Variants in MUC12 observed in about 807,000 individuals in gnomAD.
MUC12 encodes mucin-12.
In MUC12, 172 loss-of-function variants were observed where a neutral mutation model predicts 230.8. That is an observed-to-expected ratio of 0.75 (90% CI 0.66 to 0.85). The LOEUF (loss-of-function observed/expected upper bound fraction) is 0.85, where lower values mean the gene tolerates loss of function less well. Ranked by LOEUF, MUC12 falls within the 40% of genes least tolerant of loss-of-function variation. MUC12 has a pLI of 0.00. For missense variants in MUC12, 3,506 were observed against 5,920.6 expected (o/e 0.59, Z 13.38); for synonymous variants, 1,259 against 2,401.9 (o/e 0.52, Z 13.91).
chr7:100,991,729 T>G lies in MUC12; in HGVS notation c.1166T>G (p.Phe389Cys). ...TSGHSEESAT[F>C]HGSTTHTKSS... Reference sequence around the variant, plus strand: ...GGCCATAGTGAAGAATCAGCAACTTTCCACGGCAGCACAACACACACAAAA... The same window carrying G: ...GGCCATAGTGAAGAATCAGCAACTTGCCACGGCAGCACAACACACACAAAA... The change falls in exon 2 of 12, where the codon TTC becomes TGC. Residue 389 changes from phenylalanine to cysteine, a missense_variant. Physicochemically the swap from Phe to Cys is radical, Grantham distance 205. Transcript: ENST00000536621. 1.3e-6 allele frequency: 2 copies of G among 1,537,796 alleles called. No homozygotes were observed. Among genetic ancestry groups the G allele is most frequent in the Non-Finnish European group, 1.7e-6 (2 of 1,147,070 alleles).
At chr7:101,012,168 ACT>A (rs1000937841) in intron 5 of MUC12, 126 bp from the exon 6 acceptor site, 8 of 968,902 alleles carry the variant, frequency 8.3e-6, no homozygotes, top group East Asian at 5.3e-5. Context: ...TGGAGGGAAG[ACT>A]CTGTATTCTT....
At chr7:101,012,220 C>A in intron 5 of MUC12, 76 bp from the exon 6 acceptor site, 3 of 1,483,782 alleles carry the variant, frequency 2.0e-6, no homozygotes, top group Admixed American at 2.1e-5. Context: ...TCTCCCATTA[C>A]CACTCTGGGT....
rs752057425 is a variant in MUC12, at chr7:100,995,665, C to A, written c.5102C>A (p.Ala1701Glu). The stretch of plus-strand genomic sequence containing the variant: ...CCAAGCTCAAAGGACACTATGCCTG[C>A]ACCTCCTACTACCACATCAGCCTTT... ...SWPSSKDTMP[A>E]PPTTTSAFVE... is the part of the protein sequence containing the mutation. Residue 1701 changes from alanine (A) to glutamate (E), a missense_variant, in exon 2 of 12, where the codon GCA becomes GAA. By Grantham distance (107) the Ala-to-Glu change is moderately radical. Coordinates refer to ENST00000536621, the MANE Select transcript of MUC12 (RefSeq NM_001164462.2). The A allele has an allele frequency of 1.3e-6, 2 of 1,537,092 alleles. No individual in the cohort carries two copies. Among genetic ancestry groups the A allele is most frequent in the Admixed American group, 2.0e-5 (1 of 50,948 alleles).
chr7:100,992,329 C>T lies in MUC12; in HGVS notation c.1766C>T (p.Thr589Ile). ...TFHSRPGSTE[T>I]TLLPDNTTAS... The stretch of plus-strand genomic sequence containing the variant: ...CACAGCCGCCCAGGCTCCACTGAAA[C>T]AACACTCTTACCTGACAACACCACA... Residue 589 changes from threonine to isoleucine, a missense_variant, in exon 2 of 12, where the codon ACA (threonine) becomes ATA (isoleucine). Thr to Ile is a moderately conservative substitution (Grantham distance 89). Coordinates refer to ENST00000536621, the MANE Select transcript of MUC12 (RefSeq NM_001164462.2). 1 of 1,536,790 alleles carries T rather than the reference C, an allele frequency of 6.5e-7. No individual in the cohort carries two copies. The highest frequency in any genetic ancestry group is 8.7e-7 in the Non-Finnish European group (1 of 1,146,114).
At chr7:101,010,998 G>A (rs1229589336) in intron 5 of MUC12, among the ~76,000 whole-genome samples, 2 of 152,180 alleles carry the variant, frequency 1.3e-5, no homozygotes, top group African/African-American at 4.8e-5. Flanking sequence ...CCAGTTGGAT[G>A]TCACTGGAAG....
chr7:101,015,429 C>G (rs1793900775), intron 9 of MUC12, 186 bp from the exon 10 acceptor site: 1 of 594,934 alleles, frequency 1.7e-6, no homozygotes, highest in Non-Finnish European at 3.0e-6. Flanking sequence ...GGAGGCCTGG[C>G]CAGTGCTTGC....
rs761071668 is a variant in MUC12, at chr7:101,004,559, G to C, written c.13996G>C (p.Ala4666Pro). 3.4e-5 allele frequency: 52 copies of C among 1,536,064 alleles called. No individual in the cohort carries two copies. In the African/African-American group the frequency reaches 6.5e-4, roughly 19 times the overall value. The change falls in exon 2 of 12, where the codon GCA (alanine) becomes CCA (proline). Residue 4666 changes from alanine (A) to proline (P), a missense_variant. By Grantham distance (27) the Ala-to-Pro change is conservative (BLOSUM62 -1). Coordinates refer to ENST00000536621, the MANE Select transcript of MUC12 (RefSeq NM_001164462.2). ...CTACCACAGCAGCCCGGGCTCAATT[G>C]CAACAACACACTTTCCTGAGAGCTC... ...TSYHSSPGSI[A>P]TTHFPESSTT...
At position 100,991,516 on chromosome 7, in the gene MUC12, C is replaced by A. The variant is rs746431477; in HGVS notation, c.953C>A (p.Ser318Tyr). 3 of 1,537,296 alleles carry A rather than the reference C, an allele frequency of 2.0e-6. No homozygotes were observed. In the South Asian group the frequency reaches 3.6e-5, roughly 18 times the overall value. The part of the protein sequence containing the change: ...SPSSTPTTHF[S>Y]ASSTTLGHSE... The stretch of plus-strand genomic sequence containing the variant: ...AGCTCAACTCCAACAACCCACTTTT[C>A]TGCCAGCTCCACAACCTTGGGCCAT... The change falls in exon 2 of 12, where the codon TCT (serine) becomes TAT (tyrosine). Residue 318 changes from serine to tyrosine, a missense_variant. Coordinates refer to ENST00000536621, the MANE Select transcript of MUC12 (RefSeq NM_001164462.2).
intron 9 of MUC12, 89 bp downstream of exon 9, chr7:101,014,163 T>G: frequency 7.3e-7 from 1 of 1,378,404 alleles, no homozygotes; most frequent in Non-Finnish European, 9.5e-7. Flanking sequence ...GCTCTGCTCC[T>G]TCCAGGCCAG....
At position 100,995,627 on chromosome 7, in the gene MUC12, C is replaced by G; in HGVS notation, c.5064C>G (p.Thr1688=). The change falls in exon 2 of 12, where the codon ACC becomes ACG. Residue 1688 remains threonine (T), a synonymous_variant. Coordinates refer to ENST00000536621, the MANE Select transcript of MUC12 (RefSeq NM_001164462.2). ...GSTTRQGEST[T]FQSWPSSKDT... is the part of the protein sequence containing the mutation. ...CAACACGTCAGGGAGAATCTACCACCTTCCAGAGCTGGCCAAGCTCAAAGG... is the reference window on the plus strand; with the variant it reads ...CAACACGTCAGGGAGAATCTACCACGTTCCAGAGCTGGCCAAGCTCAAAGG... 2 of 1,537,030 alleles carry G rather than the reference C, an allele frequency of 1.3e-6. No individual in the cohort carries two copies. Among genetic ancestry groups the G allele is most frequent in the Non-Finnish European group, 1.7e-6 (2 of 1,147,030 alleles).
chr7:100,995,462 T>A lies in MUC12; in HGVS notation c.4899T>A (p.Thr1633=). 2 of 1,526,586 alleles carry A rather than the reference T, an allele frequency of 1.3e-6. No individual in the cohort carries two copies. The highest frequency in any genetic ancestry group is 1.8e-6 in the Non-Finnish European group (2 of 1,140,994). The allele number at this position is 1,526,586 out of a possible 1,614,324, so 94.6% of individuals were successfully genotyped here. ...CATCATCCCTTGGTCCAGAATCTAC[T>A]ACTTTCCACAGCAGCCCAGGCTCCA... ...TTASSLGPES[T]TFHSSPGSTE... Residue 1633 remains threonine (T), a synonymous_variant, in exon 2 of 12, where the codon ACT becomes ACA. Transcript: ENST00000536621.
intron 3 of MUC12, among the ~76,000 whole-genome samples, chr7:101,007,438 C>T (rs10261435): frequency 0.021 from 3,167 of 152,286 alleles, 111 homozygotes; most frequent in African/African-American, 0.071. Context: ...CATCCTTCTA[C>T]GCTCTGCCTC....
intron 5 of MUC12, 24 bp from the exon 6 acceptor site, chr7:101,012,272 T>C (rs377490794): frequency 9.1e-5 from 140 of 1,536,026 alleles, no homozygotes; most frequent in Non-Finnish European, 1.2e-4. Flanking sequence ...CATGGGTAAC[T>C]GATGAAACGA....
At chr7:100,976,849 G>A (rs780174692) in intron 1 of MUC12, among the ~76,000 whole-genome samples, 2 of 151,656 alleles carry the variant, frequency 1.3e-5, no homozygotes, top group Non-Finnish European at 2.9e-5. Flanking sequence ...TCGGGAGTTC[G>A]AGACCAGCCT....
intron 1 of MUC12, among the ~76,000 whole-genome samples, chr7:100,981,138 G>A (rs1793098561): frequency 6.6e-6 from 1 of 152,172 alleles, no homozygotes; most frequent in Admixed American, 6.5e-5. Context: ...AAATTTATAT[G>A]CTTTTTCCTT....
chr7:100,993,784 C>T lies in MUC12; in HGVS notation c.3221C>T (p.Thr1074Ile). The change falls in exon 2 of 12, where the codon ACA becomes ATA. Residue 1074 changes from threonine (T) to isoleucine (I), a missense_variant. Thr to Ile is a moderately conservative substitution (Grantham distance 89). Coordinates refer to ENST00000536621, the MANE Select transcript of MUC12 (RefSeq NM_001164462.2). ...ACAACCTCAGGTCGTGGAGAATCTA[C>T]AACCTCACGCATCAGTCCAGGCTCA... ...HSTTSGRGES[T>I]TSRISPGSTE... The T allele has an allele frequency of 2.1e-6, 3 of 1,433,684 alleles. No individual in the cohort carries two copies. Among genetic ancestry groups the T allele is most frequent in the South Asian group, 2.5e-5 (2 of 81,372 alleles). The allele number at this position is 1,433,684 out of a possible 1,614,324, so 88.8% of individuals were successfully genotyped here. A position where few individuals can be genotyped will look rare whatever the true frequency, so the allele number is the denominator to read the frequency against.
At chr7:100,977,043 TCC>T (rs1793042454) in intron 1 of MUC12, among the ~76,000 whole-genome samples, 1 of 85,800 alleles carries the variant, frequency 1.2e-5, no homozygotes. Flanking sequence ...AGACCAAGAC[TCC>T]ATCTCAAAAA....
chr7:100,972,784 G>C, intron 1 of MUC12: 2 of 685,492 alleles, frequency 2.9e-6, no homozygotes, highest in Non-Finnish European at 5.3e-6. Context: ...GGAATGACAG[G>C]TGCGAGCCAC....
chr7:100,977,793 C>T (rs1793055343), intron 1 of MUC12, among the ~76,000 whole-genome samples: 2 of 151,904 alleles, frequency 1.3e-5, no homozygotes, highest in Admixed American at 1.3e-4. Context: ...ATCTCAAACT[C>T]CTGGGCTCAA....
Sources: allele counts gnomAD v4.1 joint callset (sites outside exome capture counted in the v4.1 genomes callset), GRCh38; gene constraint gnomAD v4.1.1; transcripts MANE v1.5; gene names NCBI Gene and HGNC (gene_info 2026-07-23, HGNC 2026-07-21).